DOCK3: variants seen among roughly 807,000 people sequenced by gnomAD.
The protein encoded by DOCK3 is dedicator of cytokinesis protein 3.
In DOCK3, 60 loss-of-function variants were observed where a neutral mutation model predicts 265.6. That is an observed-to-expected ratio of 0.23 (90% CI 0.18 to 0.28). The LOEUF is 0.28. Ranked by LOEUF, DOCK3 falls within the 10% of genes least tolerant of loss-of-function variation. DOCK3 has a pLI of 1.00. For missense variants in DOCK3, 1,981 were observed against 2,594.3 expected (o/e 0.76, Z 5.14); for synonymous variants, 881 against 938.0 (o/e 0.94, Z 1.11).
intron 4 of DOCK3, among the ~76,000 whole-genome samples, chr3:50,900,122 T>G (rs761522628): frequency 3.5e-4 from 53 of 152,220 alleles, no homozygotes; most frequent in Non-Finnish European, 7.2e-4. Context: ...CAATCAAATG[T>G]AGATTTGGTC....
At chr3:51,364,992 T>G (rs1352959346) in intron 49 of DOCK3, among the ~76,000 whole-genome samples, 1 of 152,240 alleles carries the variant, frequency 6.6e-6, no homozygotes, top group Non-Finnish European at 1.5e-5. Context: ...ATATGAACTT[T>G]AAAGTAGTTT....
intron 27 of DOCK3, among the ~76,000 whole-genome samples, chr3:51,295,309 A>T (rs1167832113): frequency 6.6e-6 from 1 of 152,236 alleles, no homozygotes; most frequent in Non-Finnish European, 1.5e-5. Context: ...GTGAGAGAGA[A>T]ATCAAGAAAG....
At chr3:51,160,825 C>T (rs2086090468) in intron 12 of DOCK3, 123 bp downstream of exon 12, 2 of 1,252,400 alleles carry the variant, frequency 1.6e-6, no homozygotes, top group Non-Finnish European at 1.1e-6. Flanking sequence ...GCCTGTATTC[C>T]CAACACTTTG....
chr3:50,880,379 G>A (rs1014168580), intron 3 of DOCK3, among the ~76,000 whole-genome samples: 3 of 152,124 alleles, frequency 2.0e-5, no homozygotes, highest in Non-Finnish European at 2.9e-5. Flanking sequence ...TAGACCACTA[G>A]CAAGTCTGAT....
Position 50,694,142 on chromosome 3 carries a change from C to T in DOCK3, c.37+18842C>T, listed in dbSNP as rs9870326. ...AAAATTAGCCAGGCGTGGTGGCGGG[C>T]GCCTGTAATCCCAGCTACTGGGGAG... On this transcript the variant is annotated intron_variant, in intron 1 of 52. Coordinates refer to ENST00000266037, the MANE Select transcript of DOCK3 (RefSeq NM_004947.5). Among the ~76,000 whole-genome samples, 570 of 151,822 alleles carry T rather than the reference C, an allele frequency of 3.8e-3. 4 individuals are homozygous for T. The highest frequency in any genetic ancestry group is 0.012 in the African/African-American group (513 of 41,444).
intron 12 of DOCK3, among the ~76,000 whole-genome samples, chr3:51,205,022 G>A (rs2089092282): frequency 6.6e-6 from 1 of 152,002 alleles, no homozygotes; most frequent in African/African-American, 2.4e-5. Context: ...GTTGTGGGGT[G>A]GGGGTAGGGG....
intron 10 of DOCK3, among the ~76,000 whole-genome samples, chr3:51,157,947 A>AT (rs11289965): frequency 6.6e-6 from 1 of 150,414 alleles, no homozygotes; most frequent in Admixed American, 6.6e-5. Context: ...CTGGGACTAC[A>AT]TTTTTTTTTT....
At chr3:50,725,883 A>G (rs1390971018) in intron 1 of DOCK3, among the ~76,000 whole-genome samples, 1 of 152,188 alleles carries the variant, frequency 6.6e-6, no homozygotes, top group African/African-American at 2.4e-5. Context: ...TTGAAGGCAT[A>G]TACAGTCATC....
intron 23 of DOCK3, among the ~76,000 whole-genome samples, chr3:51,264,543 A>T (rs1326773812): frequency 6.6e-6 from 1 of 152,064 alleles, no homozygotes; most frequent in Non-Finnish European, 1.5e-5. Flanking sequence ...ACAAGAAATA[A>T]CTAGCCGGGC....
chr3:51,006,796 C>T (rs73085212), intron 5 of DOCK3, among the ~76,000 whole-genome samples: 4,880 of 152,198 alleles, frequency 0.032, 110 homozygotes, highest in Non-Finnish European at 0.046. Context: ...ACAACAGGCC[C>T]GGGTGTATGT....
At chr3:51,041,162 GTATATATATATATATA>G (rs1167854334) in intron 5 of DOCK3, among the ~76,000 whole-genome samples, 696 of 30,816 alleles carry the variant, frequency 0.023, 21 homozygotes, top group East Asian at 0.13. Context: ...CTTACAAAAT[GTATATATATATATATA>G]TATATATATA....
chr3:50,692,406 G>A (rs942227631), intron 1 of DOCK3, among the ~76,000 whole-genome samples: 2 of 152,064 alleles, frequency 1.3e-5, no homozygotes, highest in African/African-American at 4.8e-5. Flanking sequence ...CATAAGGAGC[G>A]TGCAACCTAG....
chr3:51,301,974 T>G (rs1281811738), intron 27 of DOCK3, among the ~76,000 whole-genome samples: 2 of 152,166 alleles, frequency 1.3e-5, no homozygotes, highest in Admixed American at 6.5e-5. Flanking sequence ...TCAAATCCTG[T>G]GAATATCCTT....
chr3:51,213,813 C>A (rs2089636992), intron 13 of DOCK3, among the ~76,000 whole-genome samples: 1 of 152,102 alleles, frequency 6.6e-6, no homozygotes, highest in Non-Finnish European at 1.5e-5. Context: ...CCCTCTCATT[C>A]AATATTCACA....
intron 27 of DOCK3, among the ~76,000 whole-genome samples, chr3:51,288,106 C>A (rs2081511471): frequency 6.6e-6 from 1 of 152,246 alleles, no homozygotes; most frequent in East Asian, 1.9e-4. Context: ...AAGAAGAGAA[C>A]AACAGGCAGG....
intron 27 of DOCK3, among the ~76,000 whole-genome samples, chr3:51,283,586 C>T (rs1309012838): frequency 6.6e-6 from 1 of 152,186 alleles, no homozygotes; most frequent in African/African-American, 2.4e-5. Context: ...CTGACTTAGA[C>T]TGGGGAGTTA....
At chr3:50,996,862 C>T (rs1364049931) in intron 5 of DOCK3, among the ~76,000 whole-genome samples, 2 of 152,168 alleles carry the variant, frequency 1.3e-5, no homozygotes, top group African/African-American at 2.4e-5. Flanking sequence ...GCCAATCCCT[C>T]GCTCTGTCTC....
chr3:51,002,275 G>A (rs1401822259), intron 5 of DOCK3, among the ~76,000 whole-genome samples: 1 of 152,170 alleles, frequency 6.6e-6, no homozygotes, highest in Admixed American at 6.5e-5. Flanking sequence ...ATCCTCTCTA[G>A]TGAAGTGTCT....
At chr3:51,313,216 G>T (rs2083190587) in intron 31 of DOCK3, among the ~76,000 whole-genome samples, 1 of 152,214 alleles carries the variant, frequency 6.6e-6, no homozygotes, top group South Asian at 2.1e-4. Flanking sequence ...ATTCCTATAA[G>T]ATCCTCCATG....
Sources: gnomAD v4.1 joint callset for allele counts (sites outside exome capture counted in the v4.1 genomes callset) on GRCh38, gnomAD v4.1.1 for gene constraint, MANE v1.5 for transcripts, NCBI Gene and HGNC (gene_info 2026-07-23, HGNC 2026-07-21) for gene names.